DNMT1: variants seen among roughly 807,000 people sequenced by gnomAD.
DNMT1 encodes the protein DNA (cytosine-5)-methyltransferase 1.
Under a neutral mutation model 205.3 loss-of-function variants are expected in DNMT1, and 24 were observed. The ratio of observed to expected loss-of-function variants is 0.12; its 90% CI spans 0.08 to 0.16. The LOEUF is 0.16. DNMT1 is among the 10% of genes least tolerant of loss of function. The pLI, the probability that DNMT1 is intolerant of heterozygous loss-of-function variation, is 1.00. For missense variants in DNMT1, 1,293 were observed against 2,177.7 expected, an observed-to-expected ratio of 0.59 and a Z score of 8.09; for synonymous variants, 817 against 839.8, an observed-to-expected ratio of 0.97 and a Z score of 0.47.
chr19:10,167,750 G>T (rs2145343571), intron 10 of DNMT1, among the ~76,000 whole-genome samples: 1 of 152,336 alleles, frequency 6.6e-6, no homozygotes. Flanking sequence ...ACAGTGAAAG[G>T]TAAGTGACAC....
In DNMT1 at chr19:10,151,151, A is replaced by G. The variant is rs1458057292; in HGVS notation, c.2265+247T>C. ...GGGCTCACCTGCCTGATGCCCCTAG[A>G]ACTGTGTCAAATGCCCATTTTGGGA... On this transcript the variant is annotated intron_variant, in intron 24 of 40. Transcript: ENST00000359526. This position sits in a 1 kb window ranked among gnomAD's most constrained non-coding sequence, Gnocchi z 5.0. 1.3e-5 allele frequency among the ~76,000 whole-genome samples: 2 copies of G among 152,166 alleles called. No homozygotes were observed. The highest frequency in any genetic ancestry group is 4.8e-5 in the African/African-American group (2 of 41,424).
chr19:10,168,512 ATG>A, intron 9 of DNMT1, 148 bp from the exon 10 acceptor site: 1 of 786,194 alleles, frequency 1.3e-6, no homozygotes, highest in East Asian at 2.7e-5. Flanking sequence ...ACAGTAGCTC[ATG>A]CCTGTAATCT....
intron 7 of DNMT1, among the ~76,000 whole-genome samples, chr19:10,174,705 T>TAAA (rs1176467771): frequency 1.3e-5 from 2 of 149,744 alleles, no homozygotes; most frequent in African/African-American, 4.9e-5. Flanking sequence ...AGACTCCATC[T>TAAA]AAAAAAAATT....
At chr19:10,166,262 G>A (rs1295818213) in intron 11 of DNMT1, among the ~76,000 whole-genome samples, 3 of 152,188 alleles carry the variant, frequency 2.0e-5, no homozygotes, top group Admixed American at 6.5e-5. Flanking sequence ...TGGCTGACAT[G>A]TGCGTCAGAG....
chr19:10,175,632 T>C lies in DNMT1; in HGVS notation c.570-14A>G. The C allele has an allele frequency of 6.2e-7, 1 of 1,613,962 alleles. No homozygotes were observed. The highest frequency in any genetic ancestry group is 8.5e-7 in the Non-Finnish European group (1 of 1,179,836). Reference sequence around the variant, plus strand: ...CGTTTGGCAGGGCTGTCACACACAGTGAGGCCAACCATTAGTGGAACAAGA... The same window carrying C: ...CGTTTGGCAGGGCTGTCACACACAGCGAGGCCAACCATTAGTGGAACAAGA... On this transcript the variant is annotated splice_polypyrimidine_tract_variant and intron_variant, in intron 6 of 40. Coordinates refer to ENST00000359526, the MANE Select transcript of DNMT1 (RefSeq NM_001130823.3).
Position 10,149,489 on chromosome 19 carries a change from G to A in DNMT1, c.2550C>T (p.Val850=). ...AGTTTTCGGAGGGGGCTTTGTAGAT[G>A]ACTTTCACTTTGCTGTGGATATATG... ...QLSYIHSKVK[V]IYKAPSENWA... The change falls in exon 26 of 41, where the codon GTC becomes GTT. Residue 850 remains valine, a synonymous_variant. Transcript: ENST00000359526. The A allele has an allele frequency of 3.1e-6, 5 of 1,614,096 alleles. No individual in the cohort carries two copies. Among genetic ancestry groups the A allele is most frequent in the Non-Finnish European group, 4.2e-6 (5 of 1,180,024 alleles).
Position 10,156,642 on chromosome 19 carries a change from G to C in DNMT1, c.1281-133C>G. On this transcript the variant is annotated intron_variant, in intron 17 of 40. Coordinates refer to ENST00000359526, the MANE Select transcript of DNMT1 (RefSeq NM_001130823.3). The surrounding 1 kb of genome is among the most constrained non-coding windows in gnomAD (Gnocchi z 4.2). Reference sequence around the variant, plus strand: ...TCTTTTTTTGTTTGTTTTTGAGACAGAGTCTTGCTCTATCCCTCAGGCTGG... The same window carrying C: ...TCTTTTTTTGTTTGTTTTTGAGACACAGTCTTGCTCTATCCCTCAGGCTGG... 1 of 708,012 alleles carries C rather than the reference G, an allele frequency of 1.4e-6. No homozygotes were observed. 43.9% of individuals were successfully genotyped at this position (708,012 alleles called of 1,614,324 possible).
chr19:10,143,206 G>A (rs1221638594), intron 29 of DNMT1, among the ~76,000 whole-genome samples: 2 of 152,156 alleles, frequency 1.3e-5, no homozygotes, highest in Non-Finnish European at 2.9e-5. Flanking sequence ...CTCTGGGGGT[G>A]CCCAGGCACT....
rs371779379 is a variant in DNMT1, at chr19:10,140,040, G to C, written c.3806+6C>G. The C allele has an allele frequency of 6.2e-7, 1 of 1,607,442 alleles. No homozygotes were observed. The highest frequency in any genetic ancestry group is 1.3e-5 in the African/African-American group (1 of 74,942). ...TGGCAACACTGGGGGGCTTCTACCC[G>C]TTTACCTGAGGAAGGAAACCACCAG... On this transcript the variant is annotated splice_donor_region_variant and intron_variant, in intron 33 of 40. Transcript: ENST00000359526. This position sits in a 1 kb window ranked among gnomAD's most constrained non-coding sequence, Gnocchi z 8.4.
At chr19:10,160,563 T>C in intron 13 of DNMT1, 145 bp from the exon 14 acceptor site, 1 of 794,586 alleles carries the variant, frequency 1.3e-6, no homozygotes, top group East Asian at 2.8e-5. Flanking sequence ...GCAGGTGAGC[T>C]CTGACTCACT....
Position 10,138,376 on chromosome 19 carries a change from C to A in DNMT1, c.4115+63G>T. The A allele has an allele frequency of 6.2e-7, 1 of 1,609,510 alleles. No homozygotes were observed. Among genetic ancestry groups the A allele is most frequent in the Non-Finnish European group, 8.5e-7 (1 of 1,177,980 alleles). ...CCCAAGCCTCACCAGGGAGTACTCACGGGCCCCATGAGCTACTGAGGCCTG... is the reference window on the plus strand; with the variant it reads ...CCCAAGCCTCACCAGGGAGTACTCAAGGGCCCCATGAGCTACTGAGGCCTG... On this transcript the variant is annotated intron_variant, in intron 35 of 40. Transcript: ENST00000359526. This position sits in a 1 kb window ranked among gnomAD's most constrained non-coding sequence, Gnocchi z 4.1.
At position 10,151,936 on chromosome 19, in the gene DNMT1, G is replaced by A; in HGVS notation, c.2020-89C>T. 1 of 1,289,896 alleles carries A rather than the reference G, an allele frequency of 7.8e-7. No individual in the cohort carries two copies. The highest frequency in any genetic ancestry group is 1.1e-6 in the Non-Finnish European group (1 of 891,392). 79.9% of individuals were successfully genotyped at this position (1,289,896 alleles called of 1,614,324 possible). ...GTATTTCAGAAGGCCGAGGCAGGCA[G>A]ATCACTTAAGGTCAGGAATTGCAGA... On this transcript the variant is annotated intron_variant, in intron 22 of 40. Transcript: ENST00000359526. The surrounding 1 kb of genome is among the most constrained non-coding windows in gnomAD (Gnocchi z 5.0).
rs186852035 is a variant in DNMT1, at chr19:10,191,075, C to T, written c.80+3745G>A. Among the ~76,000 whole-genome samples, 872 of 151,764 alleles carry T rather than the reference C, an allele frequency of 5.7e-3. 19 individuals are homozygous for T. Among genetic ancestry groups the T allele is most frequent in the East Asian group, 0.033 (171 of 5,136 alleles). ...TTGCAGTGAGCCGAGATCACGGCCA[C>T]TGCACTCCAGCCTGGGCGACAGAGC... is the stretch of plus-strand genomic sequence containing the variant. On this transcript the variant is annotated intron_variant, in intron 1 of 40. Coordinates refer to ENST00000359526, the MANE Select transcript of DNMT1 (RefSeq NM_001130823.3).
intron 27 of DNMT1, among the ~76,000 whole-genome samples, chr19:10,148,339 A>C (rs2145289303): frequency 6.7e-6 from 1 of 149,280 alleles, no homozygotes; most frequent in East Asian, 2.0e-4. Flanking sequence ...TACTAAAAAT[A>C]CAAAAAACTA....
Position 10,154,343 on chromosome 19 carries a change from T to C in DNMT1, c.1969A>G (p.Arg657Gly). 6.2e-7 allele frequency: 1 copy of C among 1,614,238 alleles called. No homozygotes were observed. The highest frequency in any genetic ancestry group is 8.5e-7 in the Non-Finnish European group (1 of 1,180,030). ...TTAAAGGCGTTCTCCTTGTCTTCTC[T>C]GTCATCCTTTTCAATTTGCTCTGCG... ...FFAEQIEKDDREDKENAFKRR... is the reference protein window; with the variant it reads ...FFAEQIEKDDGEDKENAFKRR... The change falls in exon 22 of 41, where the codon AGA becomes GGA. Residue 657 changes from arginine (R) to glycine (G), a missense_variant. Arg to Gly is a moderately radical substitution (Grantham distance 125). Coordinates refer to ENST00000359526, the MANE Select transcript of DNMT1 (RefSeq NM_001130823.3). This position sits in a 1 kb window ranked among gnomAD's most constrained non-coding sequence, Gnocchi z 6.3.
intron 27 of DNMT1, 88 bp downstream of exon 27, chr19:10,148,796 G>A (rs750076830): frequency 2.1e-5 from 34 of 1,607,044 alleles, no homozygotes; most frequent in East Asian, 2.0e-4. Context: ...GGCCGTTGGC[G>A]GAAGCCAACC....
chr19:10,155,182 A>G (rs543780792), intron 19 of DNMT1, 126 bp from the exon 20 acceptor site: 87 of 1,295,880 alleles, frequency 6.7e-5, no homozygotes, highest in Non-Finnish European at 8.4e-5. Context: ...CCCAAATGTC[A>G]GAAACATAGG....
At chr19:10,171,804 C>CAAATAAATAAATAAAT (rs201700970) in intron 9 of DNMT1, among the ~76,000 whole-genome samples, 9 of 140,010 alleles carry the variant, frequency 6.4e-5, no homozygotes, top group East Asian at 2.1e-4. Context: ...GACTCCGTCT[C>CAAATAAATAAATAAAT]AAATAAATAA....
intron 39 of DNMT1, among the ~76,000 whole-genome samples, chr19:10,134,860 A>G (rs1369257836): frequency 9.5e-6 from 1 of 104,972 alleles, no homozygotes; most frequent in East Asian, 5.5e-4. Flanking sequence ...CCTGTCTCAG[A>G]AAAAAAAAAA....
Sources: allele counts gnomAD v4.1 joint callset (sites outside exome capture counted in the v4.1 genomes callset), GRCh38; gene constraint gnomAD v4.1.1; non-coding constraint Gnocchi (gnomAD v3.1); transcripts MANE v1.5; gene names NCBI Gene and HGNC (gene_info 2026-07-23, HGNC 2026-07-21).